The following PDE4D variants were observed in gnomAD, a reference collection of about 807,000 sequenced individuals.
PDE4D encodes phosphodiesterase 4D.
A neutral mutation model predicts 87.4 loss-of-function variants in PDE4D; 24 were observed. The ratio of observed to expected loss-of-function variants is 0.27; its 90% confidence interval spans 0.20 to 0.39. The LOEUF is 0.39. PDE4D is among the 10% of genes least tolerant of loss of function. PDE4D has a pLI of 1.00. For missense variants in PDE4D, 714 were observed against 1,041.0 expected (o/e 0.69, Z 4.32); for synonymous variants, 384 against 383.2 (o/e 1.00, Z -0.02).
intron 2 of PDE4D, among the ~76,000 whole-genome samples, chr5:60,137,239 T>C (rs62370616): frequency 0.51 from 77,334 of 152,034 alleles, 20,054 homozygotes; most frequent in Admixed American, 0.55. Flanking sequence ...TTTGCTATTG[T>C]GAACAGTGCT....
At chr5:59,227,422 GA>G (rs11348414) in intron 1 of PDE4D, among the ~76,000 whole-genome samples, 58,425 of 150,308 alleles carry the variant, frequency 0.39, 12,717 homozygotes, top group African/African-American at 0.6. Flanking sequence ...TTCTGCACAG[GA>G]AAAAAAAACA....
chr5:59,081,101 CAT>C (rs1766659310), intron 5 of PDE4D, among the ~76,000 whole-genome samples: 2 of 152,130 alleles, frequency 1.3e-5, no homozygotes, highest in Admixed American at 6.6e-5. Context: ...GAGGAAAGAG[CAT>C]AGAGTCCTGC....
chr5:59,836,073 C>G (rs917466979), intron 1 of PDE4D, among the ~76,000 whole-genome samples: 4 of 151,916 alleles, frequency 2.6e-5, no homozygotes, highest in African/African-American at 4.8e-5. Flanking sequence ...TCTATTGAGG[C>G]TGTTGTGAAG....
chr5:60,435,417 C>T (rs1583760789), intron 1 of PDE4D, among the ~76,000 whole-genome samples: 2 of 152,036 alleles, frequency 1.3e-5, no homozygotes, highest in Admixed American at 1.3e-4. Context: ...AGAAAGTTCA[C>T]AGCTTTTCAT....
intron 1 of PDE4D, among the ~76,000 whole-genome samples, chr5:60,255,584 C>G (rs2149691787): frequency 6.6e-6 from 1 of 151,874 alleles, no homozygotes. Flanking sequence ...CCTCAATTTT[C>G]CCATTTATAA....
chr5:59,739,237 T>C (rs1366885531), intron 1 of PDE4D, among the ~76,000 whole-genome samples: 1 of 152,118 alleles, frequency 6.6e-6, no homozygotes, highest in African/African-American at 2.4e-5. Flanking sequence ...CTACGCAATA[T>C]GGTGAAACCC....
At chr5:59,770,986 C>T (rs1414133174) in intron 1 of PDE4D, among the ~76,000 whole-genome samples, 1 of 151,772 alleles carries the variant, frequency 6.6e-6, no homozygotes, top group Non-Finnish European at 1.5e-5. Flanking sequence ...TAAAAAATAG[C>T]TGAGTGTGGT....
At chr5:59,871,130 G>A (rs919370120) in intron 1 of PDE4D, among the ~76,000 whole-genome samples, 8 of 152,134 alleles carry the variant, frequency 5.3e-5, no homozygotes, top group African/African-American at 1.7e-4. Context: ...TTAAAGGATT[G>A]TTCAAATGTA....
At chr5:59,732,031 C>G (rs62370507) in intron 1 of PDE4D, among the ~76,000 whole-genome samples, 2 of 152,150 alleles carry the variant, frequency 1.3e-5, no homozygotes, top group Non-Finnish European at 2.9e-5. Context: ...ACAGACTAAA[C>G]AAAATTGCTG....
chr5:59,560,434 T>C (rs1276618023), intron 1 of PDE4D, among the ~76,000 whole-genome samples: 1 of 152,194 alleles, frequency 6.6e-6, no homozygotes, highest in Non-Finnish European at 1.5e-5. Flanking sequence ...ATTCAACAAG[T>C]ATGTATTGAA....
At chr5:59,210,033 C>T (rs775306127) in intron 2 of PDE4D, among the ~76,000 whole-genome samples, 2 of 152,228 alleles carry the variant, frequency 1.3e-5, no homozygotes, top group East Asian at 3.8e-4. Flanking sequence ...GGTGAGGATA[C>T]CTCCCCAGCT....
At chr5:60,439,363 C>T (rs1225953409) in intron 1 of PDE4D, among the ~76,000 whole-genome samples, 3 of 152,022 alleles carry the variant, frequency 2.0e-5, no homozygotes, top group African/African-American at 7.2e-5. Context: ...CATTCTAGAT[C>T]CACCTCAAGA....
At chr5:60,262,594 C>A (rs1384042311) in intron 1 of PDE4D, 1 of 152,168 alleles carries the variant, frequency 6.6e-6, no homozygotes. Context: ...GAAGGTGTTT[C>A]CTGCCCTGTG....
intron 1 of PDE4D, among the ~76,000 whole-genome samples, chr5:60,383,462 C>T (rs1439964042): frequency 6.6e-6 from 1 of 152,168 alleles, no homozygotes; most frequent in African/African-American, 2.4e-5. Context: ...TAGGGGAAAA[C>T]ACACTACAGC....
At chr5:60,241,315 C>G (rs1414904358) in intron 1 of PDE4D, among the ~76,000 whole-genome samples, 1 of 148,160 alleles carries the variant, frequency 6.7e-6, no homozygotes, top group African/African-American at 2.5e-5. Flanking sequence ...ACTCTGTCAC[C>G]CAGGCTGGAG....
intron 6 of PDE4D, among the ~76,000 whole-genome samples, chr5:59,017,450 G>C (rs1580319715): frequency 6.6e-6 from 1 of 152,114 alleles, no homozygotes; most frequent in African/African-American, 2.4e-5. Flanking sequence ...GGTATGTAAG[G>C]AGAAAGAAGA....
chr5:59,346,586 T>C (rs538904119), intron 1 of PDE4D, among the ~76,000 whole-genome samples: 3 of 152,266 alleles, frequency 2.0e-5, no homozygotes, highest in South Asian at 4.1e-4. Flanking sequence ...GTTTATGTTG[T>C]CTCAGTTTAC....
intron 1 of PDE4D, among the ~76,000 whole-genome samples, chr5:59,844,384 T>C (rs760769120): frequency 6.6e-6 from 1 of 152,142 alleles, no homozygotes; most frequent in Non-Finnish European, 1.5e-5. Context: ...TACTATGTTA[T>C]ATAAACACAT....
At chr5:60,318,399 CCTG>C (rs1755852950) in intron 1 of PDE4D, among the ~76,000 whole-genome samples, 1 of 152,130 alleles carries the variant, frequency 6.6e-6, no homozygotes, top group Admixed American at 6.5e-5. Flanking sequence ...AGATGGGTTT[CCTG>C]AATATAGCAC....
Sources: allele counts gnomAD v4.1 joint callset (sites outside exome capture counted in the v4.1 genomes callset), GRCh38; gene constraint gnomAD v4.1.1; transcripts MANE v1.5; gene names NCBI Gene and HGNC (gene_info 2026-07-23, HGNC 2026-07-21).